The following SLC2A7 variants were observed in gnomAD, a reference collection of about 807,000 sequenced individuals.
The protein encoded by SLC2A7 is solute carrier family 2, facilitated glucose transporter member 7.
SLC2A7 carries 50 observed loss-of-function variants against 50.5 expected under a neutral mutation model. That is an observed-to-expected ratio of 0.99 (90% confidence interval 0.79 to 1.25). The LOEUF is 1.25. Ranked by LOEUF, SLC2A7 falls within the 50% of genes most tolerant of loss-of-function variation. SLC2A7 has a pLI of 0.00. For synonymous variants in SLC2A7, 308 were observed against 300.4 expected (o/e 1.03, Z -0.26); for missense variants, 683 against 679.1 (o/e 1.01, Z -0.06).
chr1:9,023,838 CTTTTTTTTTTTTTTTTTTTTT>C (rs1162143987), intron 2 of SLC2A7, among the ~76,000 whole-genome samples: 2 of 17,158 alleles, frequency 1.2e-4, no homozygotes, highest in Non-Finnish European at 2.0e-4. Context: ...TATTCTTCTT[CTTTTTTTTTTTTTTTTTTTTT>C]TTTTTTTTTT....
chr1:8,998,585 T>A (rs1406914826), downstream of SLC2A7, among the ~76,000 whole-genome samples: 1 of 152,154 alleles, frequency 6.6e-6, no homozygotes, highest in Non-Finnish European at 1.5e-5. Flanking sequence ...AAATTCAACT[T>A]GCTCAAAATT....
the SLC2A7 span, among the ~76,000 whole-genome samples, chr1:8,997,753 T>C: frequency 1.3e-5 from 2 of 152,222 alleles, no homozygotes; most frequent in Non-Finnish European, 2.9e-5. Flanking sequence ...ACTAGTGCTT[T>C]CTCAGATATA....
rs1167646431 is a variant in SLC2A7, at chr1:9,014,694, G to A, written c.890C>T (p.Ser297Leu). The change falls in exon 7 of 12, where the codon TCG becomes TTG. Residue 297 changes from serine (S) to leucine (L), a missense_variant. Ser to Leu is a moderately radical substitution (Grantham distance 145). Transcript: ENST00000400906. ...IIVLMAGQQL[S>L]GINAINYYAD... is the part of the protein sequence containing the mutation. ...CGTCCCACATACCGCATTGATGCCC[G>A]ACAGCTGCTGGCCGGCCATGAGCAC... 26 of 1,558,062 alleles carry A rather than the reference G, an allele frequency of 1.7e-5. No homozygotes were observed. The highest frequency in any genetic ancestry group is 2.0e-5 in the Non-Finnish European group (23 of 1,150,806).
downstream of SLC2A7, among the ~76,000 whole-genome samples, chr1:8,999,201 AG>A (rs367839478): frequency 6.9e-4 from 105 of 152,176 alleles, no homozygotes; most frequent in African/African-American, 1.9e-3. Flanking sequence ...TAATAGAGAC[AG>A]GGTTTCACCA....
downstream of SLC2A7, among the ~76,000 whole-genome samples, chr1:9,001,160 A>G (rs1401438901): frequency 6.6e-6 from 1 of 151,718 alleles, no homozygotes; most frequent in African/African-American, 2.4e-5. Context: ...AGGTGAGAGG[A>G]CCTCCCGCTG....
chr1:9,010,079 C>G, intron 9 of SLC2A7, 64 bp downstream of exon 9: 1 of 1,463,442 alleles, frequency 6.8e-7, no homozygotes, highest in South Asian at 1.2e-5. Context: ...GGGCCCGGTT[C>G]AGTCAGGGGA....
At chr1:9,025,622 G>A (rs1640987287) in intron 1 of SLC2A7, among the ~76,000 whole-genome samples, 1 of 152,172 alleles carries the variant, frequency 6.6e-6, no homozygotes, top group Non-Finnish European at 1.5e-5. Flanking sequence ...AAGCATCGGG[G>A]GGAAGAGCAT....
rs574889996 is a variant in SLC2A7, at chr1:9,008,092, A to G, written c.1117-707T>C. ...GGACCCCCGGACCCGTGGAGCTGGC[A>G]GACCACCATCTCTGCTCCCAACTGC... is the stretch of plus-strand genomic sequence containing the variant. On this transcript the variant is annotated intron_variant, in intron 9 of 11. Transcript: ENST00000400906. This position sits in a 1 kb window ranked among gnomAD's most constrained non-coding sequence, Gnocchi z 5.9. 5.6e-4 allele frequency among the ~76,000 whole-genome samples: 86 copies of G among 152,222 alleles called. 1 individual carries two copies. The highest frequency in any genetic ancestry group is 7.7e-4 in the East Asian group (4 of 5,188).
chr1:9,007,970 C>G (rs116761970), intron 9 of SLC2A7, among the ~76,000 whole-genome samples: 1,650 of 152,134 alleles, frequency 0.011, 34 homozygotes, highest in African/African-American at 0.038. Context: ...CCATGAGGAA[C>G]CTTAGTCCCT....
intron 7 of SLC2A7, 78 bp downstream of exon 7, chr1:9,014,603 G>A (rs1287122670): frequency 1.3e-6 from 2 of 1,517,442 alleles, no homozygotes; most frequent in African/African-American, 2.8e-5. Context: ...AGGCCTCTGT[G>A]GGTGGAACTG....
intron 1 of SLC2A7, among the ~76,000 whole-genome samples, chr1:9,025,609 T>TCATC (rs1428551693): frequency 6.6e-6 from 1 of 152,104 alleles, no homozygotes; most frequent in Non-Finnish European, 1.5e-5. Flanking sequence ...GGAGCAGCTG[T>TCATC]GTAAGCATCG....
At chr1:9,015,603 G>A (rs1262784752) in intron 5 of SLC2A7, among the ~76,000 whole-genome samples, 1 of 152,204 alleles carries the variant, frequency 6.6e-6, no homozygotes, top group Non-Finnish European at 1.5e-5. Flanking sequence ...ACCCTGCGCT[G>A]GGTCTGAGTG....
chr1:9,024,419 T>C (rs1457426624), intron 2 of SLC2A7, among the ~76,000 whole-genome samples: 1 of 152,202 alleles, frequency 6.6e-6, no homozygotes, highest in East Asian at 1.9e-4. Flanking sequence ...AATATATGTA[T>C]ACAAGCGTAA....
rs746006906 is a variant in SLC2A7, at chr1:9,004,763, G to A, written c.1309C>T (p.Pro437Ser). 4.3e-6 allele frequency: 7 copies of A among 1,614,078 alleles called. No homozygotes were observed. In the South Asian group the frequency reaches 7.7e-5, roughly 18 times the overall value. The change falls in exon 11 of 12, where the codon CCA (proline) becomes TCA (serine). Residue 437 changes from proline to serine, a missense_variant. Transcript: ENST00000400906. ...GGGCCCTCACTCACCTGGATGGATG[G>A]GAACAGGAAGCCTATGATGAAGTTG... Reference protein sequence around the residue: ...LTNFIIGFLFPSIQEAIGAYS... With the variant: ...LTNFIIGFLFSSIQEAIGAYS...
the SLC2A7 span, among the ~76,000 whole-genome samples, chr1:8,993,236 T>C: frequency 6.6e-6 from 1 of 152,214 alleles, no homozygotes; most frequent in Non-Finnish European, 1.5e-5. Context: ...TTCACTATTA[T>C]GAGACTAGCT....
At chr1:8,993,893 C>G in the SLC2A7 span, among the ~76,000 whole-genome samples, 2 of 152,298 alleles carry the variant, frequency 1.3e-5, no homozygotes, top group African/African-American at 2.4e-5. Context: ...TCCCAAAGTA[C>G]TGGGATTACA....
At chr1:8,998,748 T>C (rs1640539613), downstream of SLC2A7, among the ~76,000 whole-genome samples, 1 of 152,120 alleles carries the variant, frequency 6.6e-6, no homozygotes, top group Admixed American at 6.6e-5. Context: ...ATAGATCAAT[T>C]TGGGGAGGAT....
intron 5 of SLC2A7, among the ~76,000 whole-genome samples, chr1:9,017,589 T>G (rs1392436498): frequency 1.3e-5 from 2 of 152,244 alleles, no homozygotes; most frequent in Non-Finnish European, 2.9e-5. Flanking sequence ...GAGCCTGGAC[T>G]AAAACGGACA....
chr1:8,994,953 T>A, the SLC2A7 span, among the ~76,000 whole-genome samples: 1 of 151,520 alleles, frequency 6.6e-6, no homozygotes, highest in East Asian at 2.0e-4. Context: ...ACATTTTTAG[T>A]AGAGATGGGG....
Sources: gnomAD v4.1 joint callset for allele counts (sites outside exome capture counted in the v4.1 genomes callset) on GRCh38, gnomAD v4.1.1 for gene constraint, Gnocchi (gnomAD v3.1) non-coding constraint, MANE v1.5 for transcripts, NCBI Gene and HGNC (gene_info 2026-07-23, HGNC 2026-07-21) for gene names.